The following ZNF804B variants were observed in gnomAD, a reference collection of about 807,000 sequenced individuals.
ZNF804B encodes zinc finger protein 804B, also known as zinc finger 804B.
A neutral mutation model predicts 101.4 loss-of-function variants in ZNF804B; 80 were observed. That is an observed-to-expected ratio of 0.79 (90% confidence interval 0.66 to 0.95). The LOEUF is 0.95. Among genes scored for constraint, ZNF804B ranks in the 40% least tolerant of loss-of-function variants. The pLI is 0.00. For synonymous variants in ZNF804B, 622 were observed against 558.8 expected, an observed-to-expected ratio of 1.11 and a Z score of -1.59; for missense variants, 1,673 against 1,561.9, an observed-to-expected ratio of 1.07 and a Z score of -1.20.
Position 89,178,362 on chromosome 7 carries a change from T to C in ZNF804B, c.109-39793T>C, listed in dbSNP as rs574739536. ...TCCTTCCTTTCTTCCTTCCTTCTTA[T>C]AAAATTTATTTTTTATAGTGCTATA... On this transcript the variant is annotated intron_variant, in intron 1 of 3. Coordinates refer to ENST00000333190, the MANE Select transcript of ZNF804B (RefSeq NM_181646.5). Among the ~76,000 whole-genome samples the C allele has an allele frequency of 9.2e-4, 140 of 151,956 alleles. 1 individual carries two copies. The highest frequency in any genetic ancestry group is 3.3e-3 in the African/African-American group (137 of 41,520).
chr7:88,833,251 T>TTA (rs1791159649), intron 1 of ZNF804B, among the ~76,000 whole-genome samples: 1 of 151,936 alleles, frequency 6.6e-6, no homozygotes, highest in Non-Finnish European at 1.5e-5. Flanking sequence ...TTCTAACTAG[T>TTA]TATCTCCCCT....
chr7:88,807,856 A>G (rs1039981149), intron 1 of ZNF804B, among the ~76,000 whole-genome samples: 5 of 152,192 alleles, frequency 3.3e-5, no homozygotes, highest in African/African-American at 4.8e-5. Flanking sequence ...AGTATAAACA[A>G]GGTATTCTAA....
chr7:88,909,164 C>T (rs1224143647), intron 1 of ZNF804B, among the ~76,000 whole-genome samples: 1 of 151,716 alleles, frequency 6.6e-6, no homozygotes, highest in African/African-American at 2.4e-5. Context: ...AACCCCAAAC[C>T]AAATTGTTCC....
At chr7:89,251,303 C>A (rs1390323528) in intron 2 of ZNF804B, among the ~76,000 whole-genome samples, 1 of 152,092 alleles carries the variant, frequency 6.6e-6, no homozygotes, top group East Asian at 1.9e-4. Context: ...CAATAATATT[C>A]AAGGTGAGAC....
At chr7:89,104,116 G>T (rs927568998) in intron 1 of ZNF804B, among the ~76,000 whole-genome samples, 1 of 151,930 alleles carries the variant, frequency 6.6e-6, no homozygotes, top group African/African-American at 2.4e-5. Flanking sequence ...TTGATGTACT[G>T]TTGGATTCAG....
intron 1 of ZNF804B, among the ~76,000 whole-genome samples, chr7:89,056,103 G>A (rs918166714): frequency 1.3e-5 from 2 of 152,080 alleles, no homozygotes; most frequent in African/African-American, 2.4e-5. Flanking sequence ...TTGATTCTGA[G>A]TCATCTTCAA....
At chr7:88,947,968 A>G (rs1290482172) in intron 1 of ZNF804B, among the ~76,000 whole-genome samples, 1 of 151,964 alleles carries the variant, frequency 6.6e-6, no homozygotes, top group African/African-American at 2.4e-5. Context: ...ATTGTGTTGT[A>G]ATTTTCTTAA....
At chr7:88,905,191 GTCTA>G (rs2115961880) in intron 1 of ZNF804B, among the ~76,000 whole-genome samples, 1 of 152,154 alleles carries the variant, frequency 6.6e-6, no homozygotes, top group South Asian at 2.1e-4. Context: ...CTTTTCCTGT[GTCTA>G]TTGAGATAAT....
intron 1 of ZNF804B, among the ~76,000 whole-genome samples, chr7:88,899,707 G>A (rs1792360047): frequency 6.6e-6 from 1 of 152,044 alleles, no homozygotes; most frequent in African/African-American, 2.4e-5. Context: ...TTCAAGACAA[G>A]GTCCTCTAGA....
chr7:88,933,001 A>T (rs1343931479), intron 1 of ZNF804B, among the ~76,000 whole-genome samples: 1 of 151,912 alleles, frequency 6.6e-6, no homozygotes, highest in Non-Finnish European at 1.5e-5. Context: ...AACAACAAAA[A>T]TTACAGACCA....
chr7:88,874,936 G>T (rs1001887009), intron 1 of ZNF804B, among the ~76,000 whole-genome samples: 12 of 141,134 alleles, frequency 8.5e-5, no homozygotes, highest in African/African-American at 3.0e-4. Context: ...AAATGTAAAA[G>T]AACAGAAATT....
intron 1 of ZNF804B, among the ~76,000 whole-genome samples, chr7:88,854,945 T>G (rs1035255978): frequency 6.6e-6 from 1 of 151,914 alleles, no homozygotes; most frequent in Non-Finnish European, 1.5e-5. Context: ...CATCATTTTT[T>G]ATGGCTGCAT....
chr7:89,045,409 C>T (rs80196637), intron 1 of ZNF804B, among the ~76,000 whole-genome samples: 4,344 of 152,252 alleles, frequency 0.029, 228 homozygotes, highest in African/African-American at 0.099. Context: ...GACCACCATT[C>T]TCCAGACCCC....
intron 1 of ZNF804B, among the ~76,000 whole-genome samples, chr7:88,782,055 T>C (rs1478235264): frequency 6.6e-6 from 1 of 152,062 alleles, no homozygotes; most frequent in Non-Finnish European, 1.5e-5. Flanking sequence ...AAAAGGGCTT[T>C]CTACACCAAT....
chr7:89,274,136 C>A (rs1025570367), intron 2 of ZNF804B, among the ~76,000 whole-genome samples: 3 of 129,806 alleles, frequency 2.3e-5, no homozygotes, highest in African/African-American at 8.8e-5. Flanking sequence ...TTTTTTTTTT[C>A]TTTTTATTTT....
At chr7:89,007,449 TATATATATA>T (rs2116184850) in intron 1 of ZNF804B, among the ~76,000 whole-genome samples, 1 of 61,790 alleles carries the variant, frequency 1.6e-5, no homozygotes, top group East Asian at 4.1e-4. Context: ...CATGATTTTA[TATATATATA>T]TATATATATA....
chr7:88,838,854 A>G (rs938313365), intron 1 of ZNF804B, among the ~76,000 whole-genome samples: 17 of 152,002 alleles, frequency 1.1e-4, no homozygotes, highest in African/African-American at 3.9e-4. Flanking sequence ...CTTCCAATAA[A>G]TACTAACTAT....
chr7:89,258,864 A>G (rs1414549147), intron 2 of ZNF804B, among the ~76,000 whole-genome samples: 1 of 152,176 alleles, frequency 6.6e-6, no homozygotes, highest in African/African-American at 2.4e-5. Context: ...TCATCTTCAC[A>G]TTGAGTAGGC....
chr7:88,763,587 G>T (rs908821838), intron 1 of ZNF804B, among the ~76,000 whole-genome samples: 1 of 151,510 alleles, frequency 6.6e-6, no homozygotes, highest in Non-Finnish European at 1.5e-5. Flanking sequence ...AATGAGAGAG[G>T]ATTTTATGGT....
Sources: allele counts gnomAD v4.1 joint callset (sites outside exome capture counted in the v4.1 genomes callset), GRCh38; gene constraint gnomAD v4.1.1; transcripts MANE v1.5; gene names NCBI Gene and HGNC (gene_info 2026-07-23, HGNC 2026-07-21).